The following ZZEF1 variants were observed in gnomAD, a reference collection of about 807,000 sequenced individuals.
ZZEF1 encodes the protein zinc finger ZZ-type and EF-hand domain containing 1.
Under a neutral mutation model 342.8 loss-of-function variants are expected in ZZEF1, and 157 were observed. The observed-to-expected ratio is 0.46, with a 90% CI of 0.40 to 0.52. ZZEF1 has a LOEUF of 0.52. Among genes scored for constraint, ZZEF1 ranks in the 20% least tolerant of loss-of-function variants. The pLI is 0.00. For missense variants in ZZEF1, 3,480 were observed against 3,725.6 expected (o/e 0.93, Z 1.72); for synonymous variants, 1,505 against 1,429.1 (o/e 1.05, Z -1.20).
Position 4,102,560 on chromosome 17 carries a change from A to T in ZZEF1, c.1574-145T>A, listed in dbSNP as rs533447690. ...GTTTAAAAGCTGAAATAGAGCAGTA[A>T]TATCAGACAAAAGTTGACACCATCC... On this transcript the variant is annotated intron_variant, in intron 8 of 54. Coordinates refer to ENST00000381638, the MANE Select transcript of ZZEF1 (RefSeq NM_015113.4). 6.2e-6 allele frequency: 4 copies of T among 641,290 alleles called. No homozygotes were observed. The East Asian group carries it at 1.1e-4, about 18-fold the overall frequency. 39.7% of individuals were successfully genotyped at this position (641,290 alleles called of 1,614,324 possible).
At chr17:4,036,237 T>G (rs1450663207) in intron 39 of ZZEF1, among the ~76,000 whole-genome samples, 1 of 152,182 alleles carries the variant, frequency 6.6e-6, no homozygotes, top group Non-Finnish European at 1.5e-5. Flanking sequence ...TCAGGGTTTC[T>G]CAACCTCAGT....
intron 33 of ZZEF1, among the ~76,000 whole-genome samples, chr17:4,055,171 T>C (rs977408335): frequency 2.0e-5 from 3 of 152,104 alleles, no homozygotes; most frequent in African/African-American, 7.2e-5. Context: ...GGCCTGGAAA[T>C]GAGGGATCTA....
intron 2 of ZZEF1, among the ~76,000 whole-genome samples, chr17:4,121,848 G>A (rs1054607251): frequency 1.3e-5 from 2 of 151,542 alleles, no homozygotes; most frequent in African/African-American, 2.4e-5. Context: ...TCAGTATCCC[G>A]AGTAGCTGGG....
intron 25 of ZZEF1, among the ~76,000 whole-genome samples, chr17:4,072,331 T>A (rs565544432): frequency 3.3e-5 from 5 of 152,190 alleles, no homozygotes; most frequent in Non-Finnish European, 7.3e-5. Context: ...AGAAGTACAC[T>A]CAATTGTTTG....
chr17:4,104,590 C>T, intron 8 of ZZEF1, 43 bp downstream of exon 8: 1 of 1,600,852 alleles, frequency 6.2e-7, no homozygotes, highest in Non-Finnish European at 8.5e-7. Context: ...ACGATTTGTC[C>T]ACTGTTGACA....
intron 16 of ZZEF1, among the ~76,000 whole-genome samples, chr17:4,083,140 T>C (rs180820932): frequency 6.6e-6 from 1 of 152,178 alleles, no homozygotes; most frequent in African/African-American, 2.4e-5. Context: ...AAGGGTATGG[T>C]ATCCGAAGAT....
intron 29 of ZZEF1, among the ~76,000 whole-genome samples, chr17:4,063,552 T>C (rs942487996): frequency 2.0e-5 from 3 of 152,202 alleles, no homozygotes; most frequent in African/African-American, 7.2e-5. Flanking sequence ...ATATAAATCT[T>C]ACATGAAAAA....
intron 2 of ZZEF1, among the ~76,000 whole-genome samples, chr17:4,119,526 C>T (rs2058450080): frequency 6.6e-6 from 1 of 152,198 alleles, no homozygotes; most frequent in South Asian, 2.1e-4. Flanking sequence ...TTCCAGTTAT[C>T]CACTGCGTCC....
intron 43 of ZZEF1, among the ~76,000 whole-genome samples, chr17:4,023,827 G>A (rs1452948834): frequency 6.6e-6 from 1 of 152,066 alleles, no homozygotes; most frequent in African/African-American, 2.4e-5. Flanking sequence ...GCGAGACCCT[G>A]TCTCAAACAA....
intron 42 of ZZEF1, 150 bp downstream of exon 42, chr17:4,031,976 A>G: frequency 2.5e-6 from 2 of 799,774 alleles, no homozygotes; most frequent in South Asian, 2.0e-5. Context: ...TCATTTCAGA[A>G]ATAAGGAAAA....
intron 37 of ZZEF1, among the ~76,000 whole-genome samples, chr17:4,047,726 A>T (rs780163218): frequency 6.6e-6 from 1 of 151,836 alleles, no homozygotes; most frequent in Non-Finnish European, 1.5e-5. Context: ...GCAGATCACG[A>T]GGTCAGAAGA....
Position 4,105,818 on chromosome 17 carries a change from G to A in ZZEF1, c.1278-9C>T, listed in dbSNP as rs752108762. ...TGTGCCGCAGCGCCTTCCTAGAAGA[G>A]GAAAATGTAAAATGTAATCAGAACA... On this transcript the variant is annotated splice_polypyrimidine_tract_variant and intron_variant, in intron 6 of 54. Coordinates refer to ENST00000381638, the MANE Select transcript of ZZEF1 (RefSeq NM_015113.4). The A allele has an allele frequency of 1.9e-6, 3 of 1,589,674 alleles. No individual in the cohort carries two copies. The highest frequency in any genetic ancestry group is 1.9e-5 in the Admixed American group (1 of 52,376).
At chr17:4,094,194 T>A (rs1213265228) in intron 11 of ZZEF1, among the ~76,000 whole-genome samples, 1 of 152,152 alleles carries the variant, frequency 6.6e-6, no homozygotes, top group East Asian at 1.9e-4. Flanking sequence ...CAGGCAGGAG[T>A]GCAGTGGCGT....
intron 5 of ZZEF1, 39 bp downstream of exon 5, chr17:4,112,570 C>T (rs140529477): frequency 6.2e-7 from 1 of 1,605,446 alleles, no homozygotes; most frequent in African/African-American, 1.3e-5. Context: ...AATACTACTC[C>T]CTTGCTTTTC....
chr17:4,077,822 G>A (rs143253744), intron 19 of ZZEF1, 61 bp downstream of exon 19: 52 of 1,564,778 alleles, frequency 3.3e-5, no homozygotes, highest in Non-Finnish European at 4.4e-5. Context: ...CTAAAGAAGA[G>A]AACACTCAGA....
intron 3 of ZZEF1, among the ~76,000 whole-genome samples, chr17:4,115,590 G>A (rs543431737): frequency 6.6e-6 from 1 of 152,288 alleles, no homozygotes; most frequent in East Asian, 1.9e-4. Context: ...TTAAACCTGG[G>A]AGGTGAAGGT....
intron 9 of ZZEF1, among the ~76,000 whole-genome samples, chr17:4,098,157 G>C (rs775843461): frequency 2.7e-5 from 4 of 149,982 alleles, no homozygotes; most frequent in Non-Finnish European, 5.9e-5. Context: ...AGAATCGCTT[G>C]AACCCGGGAG....
intron 37 of ZZEF1, among the ~76,000 whole-genome samples, chr17:4,047,295 C>T (rs1189229796): frequency 6.6e-6 from 1 of 152,136 alleles, no homozygotes; most frequent in Non-Finnish European, 1.5e-5. Flanking sequence ...CAAAAGAACA[C>T]AAAAGCCAGG....
rs773883446 is a variant in ZZEF1, at chr17:4,087,450, T to G, written c.2326A>C (p.Ser776Arg). The change falls in exon 14 of 55, where the codon AGT becomes CGT. Residue 776 changes from serine to arginine, a missense_variant. Physicochemically the swap from Ser to Arg is moderately radical, Grantham distance 110. This residue lies in a region of ZZEF1 where 1,528 missense variants were observed against 1,624.1 expected (regional missense o/e 0.94). Coordinates refer to ENST00000381638, the MANE Select transcript of ZZEF1 (RefSeq NM_015113.4). ...LDLQIFWNFYSKLKQNPREEC... is the reference protein window; with the variant it reads ...LDLQIFWNFYRKLKQNPREEC... ...CTGACCTACTTTTGCTTTAATTTACTGTAAAAATTCCAGAAGATCTGCAAA... is the reference window on the plus strand; with the variant it reads ...CTGACCTACTTTTGCTTTAATTTACGGTAAAAATTCCAGAAGATCTGCAAA... The G allele has an allele frequency of 6.2e-7, 1 of 1,610,210 alleles. No individual in the cohort carries two copies. The highest frequency in any genetic ancestry group is 2.2e-5 in the East Asian group (1 of 44,816).
Sources: allele counts gnomAD v4.1 joint callset (sites outside exome capture counted in the v4.1 genomes callset), GRCh38; gene constraint gnomAD v4.1.1; regional missense constraint gnomAD v4.1.1; transcripts MANE v1.5; gene names NCBI Gene and HGNC (gene_info 2026-07-23, HGNC 2026-07-21).